The following RSAD2 variants were observed in gnomAD, a reference collection of about 807,000 sequenced individuals.
RSAD2 encodes S-adenosylmethionine-dependent nucleotide dehydratase RSAD2.
A neutral mutation model predicts 37.7 loss-of-function variants in RSAD2; 38 were observed. The observed-to-expected ratio is 1.01, with a 90% CI of 0.78 to 1.32. The LOEUF is 1.32. Ranked by LOEUF, RSAD2 falls within the 40% of genes most tolerant of loss-of-function variation. The probability of loss-of-function intolerance (pLI) is 0.00; values close to 1 mark genes in which losing one functional copy is unlikely to be tolerated. For synonymous variants in RSAD2, 163 were observed against 157.4 expected, an observed-to-expected ratio of 1.04 and a Z score of -0.27; for missense variants, 428 against 437.5, an observed-to-expected ratio of 0.98 and a Z score of 0.19.
chr2:6,886,299 A>G (rs1156843596), intron 2 of RSAD2, among the ~76,000 whole-genome samples: 1 of 152,254 alleles, frequency 6.6e-6, no homozygotes, highest in Non-Finnish European at 1.5e-5. Context: ...CTGTGCTCCC[A>G]AAACGACACG....
chr2:6,874,128 C>A (rs1406907518), upstream of RSAD2, among the ~76,000 whole-genome samples: 1 of 152,114 alleles, frequency 6.6e-6, no homozygotes, highest in Non-Finnish European at 1.5e-5. Flanking sequence ...AGCGCCTCCT[C>A]CTGCCCCAGC....
At chr2:6,873,751 A>G (rs1304077528), upstream of RSAD2, among the ~76,000 whole-genome samples, 1 of 152,204 alleles carries the variant, frequency 6.6e-6, no homozygotes, top group Non-Finnish European at 1.5e-5. Context: ...TCAAAACCCT[A>G]AATTAAGCCT....
intron 1 of RSAD2, among the ~76,000 whole-genome samples, chr2:6,867,886 A>T (rs969671075): frequency 6.6e-6 from 1 of 152,240 alleles, no homozygotes; most frequent in African/African-American, 2.4e-5. Context: ...AGTCAATATT[A>T]TATAAGTGTT....
At chr2:6,895,255 C>T (rs1663749359) in intron 5 of RSAD2, among the ~76,000 whole-genome samples, 1 of 152,240 alleles carries the variant, frequency 6.6e-6, no homozygotes, top group Non-Finnish European at 1.5e-5. Flanking sequence ...CCTGCCTCAG[C>T]AGCACCTTTC....
At position 6,878,249 on chromosome 2, in the gene RSAD2, A is replaced by C. The variant is rs532582295; in HGVS notation, c.346+103A>C. 1.8e-4 allele frequency: 167 copies of C among 919,724 alleles called. 1 individual carries two copies. In the South Asian group the frequency reaches 2.6e-3, roughly 14 times the overall value. The allele number at this position is 919,724 out of a possible 1,614,324, so 57.0% of individuals were successfully genotyped here. A position where few individuals can be genotyped will look rare whatever the true frequency, so the allele number is the denominator to read the frequency against. ...ATGCACAAGCTGGAGAGCTTCTCCA[A>C]AGCTTGAGGTCACCATTTACCCTTG... On this transcript the variant is annotated intron_variant, in intron 1 of 5. Transcript: ENST00000382040.
upstream of RSAD2, among the ~76,000 whole-genome samples, chr2:6,874,844 A>G (rs527248513): frequency 6.6e-6 from 1 of 152,306 alleles, no homozygotes; most frequent in South Asian, 2.1e-4. Flanking sequence ...TTCTTATTTT[A>G]TTTCTGTAAG....
At chr2:6,878,581 C>T (rs1453287150) in intron 1 of RSAD2, among the ~76,000 whole-genome samples, 1 of 152,170 alleles carries the variant, frequency 6.6e-6, no homozygotes, top group Non-Finnish European at 1.5e-5. Flanking sequence ...AAAACTTTGA[C>T]ATAAAAATAG....
intron 2 of RSAD2, 99 bp downstream of exon 2, chr2:6,883,631 A>G: frequency 1.5e-6 from 2 of 1,361,110 alleles, no homozygotes; most frequent in East Asian, 4.8e-5. Flanking sequence ...AGGCCTGCTG[A>G]GGAACTGGAA....
intron 1 of RSAD2, among the ~76,000 whole-genome samples, chr2:6,881,746 C>T (rs570255292): frequency 6.6e-6 from 1 of 151,800 alleles, no homozygotes; most frequent in African/African-American, 2.4e-5. Context: ...GTCCATCTTC[C>T]TAGAATGCAG....
Position 6,877,907 on chromosome 2 carries a change from G to A in RSAD2, c.107G>A (p.Arg36Lys), listed in dbSNP as rs1272862163. ...RSLVPLFCWL[R>K]ATFWLLATKR... ...CTGGTCCCGCTGTTCTGCTGGCTGA[G>A]GGCAACCTTCTGGCTGCTAGCTACC... The change falls in exon 1 of 6, where the codon AGG becomes AAG. Residue 36 changes from arginine to lysine, a missense_variant. Physicochemically the swap from Arg to Lys is conservative, Grantham distance 26. Transcript: ENST00000382040. The A allele has an allele frequency of 1.2e-6, 2 of 1,614,004 alleles. No individual in the cohort carries two copies. The highest frequency in any genetic ancestry group is 2.2e-5 in the South Asian group (2 of 91,070).
chr2:6,881,783 C>T (rs1038582465), intron 1 of RSAD2, among the ~76,000 whole-genome samples: 1 of 152,024 alleles, frequency 6.6e-6, no homozygotes, highest in East Asian at 1.9e-4. Flanking sequence ...CGCATAGATC[C>T]ATCCTTCTAG....
At chr2:6,867,288 A>T (rs1663115670) in intron 1 of RSAD2, among the ~76,000 whole-genome samples, 1 of 152,178 alleles carries the variant, frequency 6.6e-6, no homozygotes, top group Admixed American at 6.5e-5. Flanking sequence ...AGTTGCCAGC[A>T]GGGTTTGCTT....
rs368475833 is a variant in RSAD2, at chr2:6,887,123, A to G, written c.697A>G (p.Met233Val). The change falls in exon 3 of 6, where the codon ATG (methionine) becomes GTG (valine). Residue 233 changes from methionine to valine, a missense_variant. Physicochemically the swap from Met to Val is conservative, Grantham distance 21. Coordinates refer to ENST00000382040, the MANE Select transcript of RSAD2 (RefSeq NM_080657.5). ...VINRFNVEED[M>V]TEQIKALNPV... ...TAATCGTTTCAACGTGGAAGAGGAC[A>G]TGACGGAACAGATCAAAGCACTAAA... 23 of 1,614,042 alleles carry G rather than the reference A, an allele frequency of 1.4e-5. No homozygotes were observed. Among genetic ancestry groups the G allele is most frequent in the Middle Eastern group, 1.6e-4 (1 of 6,084 alleles).
Position 6,890,162 on chromosome 2 carries a change from C to T in RSAD2, c.739-14C>T. On this transcript the variant is annotated splice_polypyrimidine_tract_variant and intron_variant, in intron 3 of 5. Transcript: ENST00000382040. ...AAAGCTCTCTGCAAAGCAAACACTA[C>T]CATTGCCTTTCAGGTGTTCCAGTGC... The T allele has an allele frequency of 3.7e-6, 6 of 1,613,308 alleles. No homozygotes were observed. Among genetic ancestry groups the T allele is most frequent in the Non-Finnish European group, 5.1e-6 (6 of 1,179,456 alleles).
At chr2:6,868,947 C>T (rs980857876) in intron 1 of RSAD2, among the ~76,000 whole-genome samples, 4 of 152,192 alleles carry the variant, frequency 2.6e-5, no homozygotes, top group Admixed American at 6.5e-5. Flanking sequence ...TGCCAGCTTG[C>T]GATCATTTTG....
chr2:6,895,640 C>G lies in RSAD2; in HGVS notation c.922-138C>G. 6.4e-6 allele frequency: 5 copies of G among 786,914 alleles called. No individual in the cohort carries two copies. The South Asian group carries it at 9.4e-5, about 15-fold the overall frequency. 48.7% of individuals were successfully genotyped at this position (786,914 alleles called of 1,614,324 possible). ...GTAGAGAGATGGGGTCCAAGGGGTTCAATATCAGCCACAGATTTCAAAAGA... is the reference window on the plus strand; with the variant it reads ...GTAGAGAGATGGGGTCCAAGGGGTTGAATATCAGCCACAGATTTCAAAAGA... On this transcript the variant is annotated intron_variant, in intron 5 of 5. Transcript: ENST00000382040.
In RSAD2 at chr2:6,886,871, T is replaced by G. The variant is rs1215626312; in HGVS notation, c.509-64T>G. 3 of 1,191,874 alleles carry G rather than the reference T, an allele frequency of 2.5e-6. No individual in the cohort carries two copies. In the African/African-American group the frequency reaches 4.6e-5, roughly 18 times the overall value. 73.8% of individuals were successfully genotyped at this position (1,191,874 alleles called of 1,614,324 possible). On this transcript the variant is annotated intron_variant, in intron 2 of 5. Transcript: ENST00000382040. ...ACAAGATATATTTTATCACAAGAGATCTAAATAGCCCAAGGGGCTTGGTCC... is the reference window on the plus strand; with the variant it reads ...ACAAGATATATTTTATCACAAGAGAGCTAAATAGCCCAAGGGGCTTGGTCC...
At chr2:6,892,838 C>T (rs1307056844) in intron 4 of RSAD2, among the ~76,000 whole-genome samples, 3 of 152,224 alleles carry the variant, frequency 2.0e-5, no homozygotes, top group African/African-American at 4.8e-5. Flanking sequence ...TGGGTCTGGC[C>T]TGCCACCTGT....
intron 5 of RSAD2, 58 bp from the exon 6 acceptor site, chr2:6,895,720 T>G: frequency 6.9e-7 from 1 of 1,457,970 alleles, no homozygotes; most frequent in Non-Finnish European, 9.4e-7. Flanking sequence ...TAGTCTAGAT[T>G]GAGTTTTACA....
Sources: gnomAD v4.1 joint callset for allele counts (sites outside exome capture counted in the v4.1 genomes callset) on GRCh38, gnomAD v4.1.1 for gene constraint, MANE v1.5 for transcripts, NCBI Gene and HGNC (gene_info 2026-07-23, HGNC 2026-07-21) for gene names.